Variants in TRAF3IP1 observed in about 807,000 individuals in gnomAD.
TRAF3IP1 encodes TRAF3-interacting protein 1.
TRAF3IP1 carries 53 observed loss-of-function variants against 89.9 expected under a neutral mutation model. The observed-to-expected ratio is 0.59, with a 90% CI of 0.47 to 0.74. TRAF3IP1 has a LOEUF of 0.74. TRAF3IP1 is among the 30% of genes least tolerant of loss of function. TRAF3IP1 has a pLI of 0.00. For synonymous variants in TRAF3IP1, 311 were observed against 322.1 expected, an observed-to-expected ratio of 0.97 and a Z score of 0.37; for missense variants, 806 against 866.1, an observed-to-expected ratio of 0.93 and a Z score of 0.87.
chr2:238,325,937 G>C lies in TRAF3IP1; in HGVS notation c.321G>C (p.Leu107=), dbSNP rs1366075443. The C allele has an allele frequency of 1.8e-5, 29 of 1,613,434 alleles. No homozygotes were observed. The highest frequency in any genetic ancestry group is 2.5e-5 in the Non-Finnish European group (29 of 1,179,824). ...ATGAGCCTGAAAGAACAAACGAGCT[G>C]CTCCAGATAATTGGAAAATGCTGTC... The part of the protein sequence containing the change: ...AGHEPERTNE[L]LQIIGKCCLN... The change falls in exon 3 of 17, where the codon CTG becomes CTC. Residue 107 remains leucine (L), a synonymous_variant. Transcript: ENST00000373327.
At chr2:238,342,279 G>A (rs754981559) in intron 8 of TRAF3IP1, among the ~76,000 whole-genome samples, 51 of 152,236 alleles carry the variant, frequency 3.4e-4, no homozygotes, top group Non-Finnish European at 3.2e-4. Context: ...GTGAGCCACC[G>A]CTCCTGGCCG....
At chr2:238,330,726 A>G (rs1030299391) in intron 5 of TRAF3IP1, among the ~76,000 whole-genome samples, 3 of 152,126 alleles carry the variant, frequency 2.0e-5, no homozygotes, top group Non-Finnish European at 4.4e-5. Flanking sequence ...CCATTTTGTG[A>G]TCTGTGGGTC....
rs1701273065 is a variant in TRAF3IP1, at chr2:238,397,364, C to T, written c.1690-95C>T. 3.6e-6 allele frequency: 4 copies of T among 1,119,980 alleles called. No homozygotes were observed. In the South Asian group the frequency reaches 5.6e-5, roughly 16 times the overall value. The allele number at this position is 1,119,980 out of a possible 1,614,324, so 69.4% of individuals were successfully genotyped here. The stretch of plus-strand genomic sequence containing the variant: ...AGCACTGTCTCTGCCTGCGCCTTTC[C>T]TCCCAGCCCCATGGCCGTGTGCTGA... On this transcript the variant is annotated intron_variant, in intron 15 of 16. Transcript: ENST00000373327.
In TRAF3IP1 at chr2:238,328,778, G is replaced by A; in HGVS notation, c.447G>A (p.Leu149=). The change falls in exon 4 of 17, where the codon TTG becomes TTA. Residue 149 remains leucine, a synonymous_variant. Transcript: ENST00000373327. ...CACTGACCTCAAGATCTCAGGAATTGGATAATAAGAATGTGCGAGAAGAAG... is the reference window on the plus strand; with the variant it reads ...CACTGACCTCAAGATCTCAGGAATTAGATAATAAGAATGTGCGAGAAGAAG... ...RASLTSRSQE[L]DNKNVREEES... 2 of 1,613,940 alleles carry A rather than the reference G, an allele frequency of 1.2e-6. No homozygotes were observed. Among genetic ancestry groups the A allele is most frequent in the African/African-American group, 1.3e-5 (1 of 74,948 alleles).
chr2:238,325,804 T>A lies in TRAF3IP1; in HGVS notation c.193-5T>A. 1 of 1,609,220 alleles carries A rather than the reference T, an allele frequency of 6.2e-7. No individual in the cohort carries two copies. On this transcript the variant is annotated splice_polypyrimidine_tract_variant and splice_region_variant and intron_variant, in intron 2 of 16. Transcript: ENST00000373327. ...ATATTTGTATTTTCAATGGAAATGT[T>A]TCAGGATAAAGATGCAAAAATTAGC...
At chr2:238,338,326 T>C in intron 7 of TRAF3IP1, 36 bp from the exon 8 acceptor site, 4 of 1,123,640 alleles carry the variant, frequency 3.6e-6, no homozygotes, top group Non-Finnish European at 3.6e-6. Flanking sequence ...AAATCTTTTA[T>C]AATATTTTAA....
chr2:238,388,746 A>G (rs907836315), intron 15 of TRAF3IP1, among the ~76,000 whole-genome samples: 33 of 151,782 alleles, frequency 2.2e-4, no homozygotes, highest in African/African-American at 7.2e-4. Context: ...GGCTCAAGCA[A>G]TCTTCCCACC....
intron 1 of TRAF3IP1, among the ~76,000 whole-genome samples, chr2:238,324,150 C>T (rs1009859099): frequency 6.6e-6 from 1 of 152,188 alleles, no homozygotes; most frequent in Non-Finnish European, 1.5e-5. Flanking sequence ...TCACTCCAAC[C>T]TCCACCTCCC....
chr2:238,366,385 C>T (rs1699875688), intron 15 of TRAF3IP1, among the ~76,000 whole-genome samples: 1 of 151,724 alleles, frequency 6.6e-6, no homozygotes, highest in South Asian at 2.1e-4. Context: ...GGAGATAGGC[C>T]TTTTCTCTAT....
chr2:238,334,201 A>G (rs1302949658), intron 7 of TRAF3IP1, 166 bp downstream of exon 7: 2 of 636,798 alleles, frequency 3.1e-6, no homozygotes, highest in East Asian at 2.8e-5. Flanking sequence ...TGGCTGTTAC[A>G]TACACATGCG....
chr2:238,325,878 CT>C lies in TRAF3IP1; in HGVS notation c.263del (p.Leu88ArgfsTer23), dbSNP rs1483865681. 4 of 1,614,102 alleles carry C rather than the reference CT, an allele frequency of 2.5e-6. No homozygotes were observed. Among genetic ancestry groups the C allele is most frequent in the Non-Finnish European group, 3.4e-6 (4 of 1,180,042 alleles). On this transcript the variant is annotated frameshift_variant, in exon 3 of 17. Coordinates refer to ENST00000373327, the MANE Select transcript of TRAF3IP1 (RefSeq NM_015650.4). LOFTEE classifies it high-confidence loss of function. Reference protein sequence around the residue: ...DVVVMVSGEPLLAKPARIVAG... With the variant: ...DVVVMVSGEPXLAKPARIVAG... ...GGTTGTAATGGTGTCGGGAGAGCCA[CT>C]GTTGGCCAAACCAGCCCGAATCGTG...
intron 15 of TRAF3IP1, among the ~76,000 whole-genome samples, chr2:238,387,676 A>C (rs375122669): frequency 5.9e-5 from 9 of 152,338 alleles, no homozygotes; most frequent in African/African-American, 1.9e-4. Context: ...AAATAACCCA[A>C]ATGTTGTCCG....
At chr2:238,347,521 A>G (rs1253396854) in intron 10 of TRAF3IP1, 46 bp downstream of exon 10, 3 of 1,590,962 alleles carry the variant, frequency 1.9e-6, no homozygotes, top group Non-Finnish European at 2.6e-6. Flanking sequence ...AATTGTATGC[A>G]TGTGTGTGAA....
intron 1 of TRAF3IP1, among the ~76,000 whole-genome samples, chr2:238,321,129 C>T (rs891117028): frequency 2.6e-5 from 4 of 152,218 alleles, no homozygotes; most frequent in Non-Finnish European, 4.4e-5. Context: ...GTGAGGAGGT[C>T]CTGCCCCTCC....
chr2:238,328,682 C>G lies in TRAF3IP1; in HGVS notation c.355-4C>G. On this transcript the variant is annotated splice_region_variant and splice_polypyrimidine_tract_variant and intron_variant, in intron 3 of 16. Transcript: ENST00000373327. The stretch of plus-strand genomic sequence containing the variant: ...ACCTCATTTCCTTCCATTTGGACGA[C>G]AAGCTCTCTAGTGACGATGCGGTGC... The G allele has an allele frequency of 6.2e-7, 1 of 1,611,328 alleles. No homozygotes were observed. Among genetic ancestry groups the G allele is most frequent in the East Asian group, 2.2e-5 (1 of 44,850 alleles).
chr2:238,328,642 C>T (rs748701080), intron 3 of TRAF3IP1, 44 bp from the exon 4 acceptor site: 4 of 1,591,224 alleles, frequency 2.5e-6, no homozygotes, highest in Non-Finnish European at 3.4e-6. Context: ...GTGTGCGGAT[C>T]TCATTTCACC....
At chr2:238,376,809 T>G (rs1303738811) in intron 15 of TRAF3IP1, among the ~76,000 whole-genome samples, 1 of 152,238 alleles carries the variant, frequency 6.6e-6, no homozygotes, top group Admixed American at 6.5e-5. Flanking sequence ...GCTTTAAACG[T>G]GTCTGTTGAG....
intron 15 of TRAF3IP1, among the ~76,000 whole-genome samples, chr2:238,369,362 C>T (rs1290056177): frequency 6.6e-6 from 1 of 152,156 alleles, no homozygotes; most frequent in Non-Finnish European, 1.5e-5. Context: ...AAAAGTGGAG[C>T]GCGTTCCACT....
chr2:238,346,727 C>T (rs1181222948), intron 9 of TRAF3IP1, among the ~76,000 whole-genome samples: 1 of 152,220 alleles, frequency 6.6e-6, no homozygotes, highest in Non-Finnish European at 1.5e-5. Flanking sequence ...CTGCTGCCTC[C>T]TCTCTGCCGT....
Sources: gnomAD v4.1 joint callset for allele counts (sites outside exome capture counted in the v4.1 genomes callset) on GRCh38, gnomAD v4.1.1 for gene constraint, MANE v1.5 for transcripts, NCBI Gene and HGNC (gene_info 2026-07-23, HGNC 2026-07-21) for gene names.